IBTK: variants seen among roughly 807,000 people sequenced by gnomAD.
IBTK encodes the protein inhibitor of Bruton tyrosine kinase, also known as BTK-binding protein.
In IBTK, 83 loss-of-function variants were observed where a neutral mutation model predicts 154.9. That is an observed-to-expected ratio of 0.54 (90% CI 0.45 to 0.64). IBTK has a LOEUF of 0.64. IBTK is among the 30% of genes least tolerant of loss of function. The pLI is 0.00. For missense variants in IBTK, 1,332 were observed against 1,584.6 expected (o/e 0.84, Z 2.71); for synonymous variants, 515 against 536.1 (o/e 0.96, Z 0.54).
intron 25 of IBTK, among the ~76,000 whole-genome samples, chr6:82,186,031 A>G (rs1249655335): frequency 1.3e-5 from 2 of 152,092 alleles, no homozygotes; most frequent in African/African-American, 2.4e-5. Context: ...CATTATTATT[A>G]TATCTGTTAC....
At chr6:82,185,879 A>G (rs1231548079) in intron 25 of IBTK, among the ~76,000 whole-genome samples, 1 of 152,152 alleles carries the variant, frequency 6.6e-6, no homozygotes, top group Non-Finnish European at 1.5e-5. Context: ...TGTGCTTCAT[A>G]GTTACTGTGT....
intron 21 of IBTK, among the ~76,000 whole-genome samples, chr6:82,199,723 A>G (rs1582207287): frequency 6.6e-6 from 1 of 152,184 alleles, no homozygotes; most frequent in East Asian, 1.9e-4. Context: ...AGCCTTTAGA[A>G]TAAAACACAA....
intron 8 of IBTK, among the ~76,000 whole-genome samples, chr6:82,222,842 A>T (rs1024358541): frequency 1.3e-5 from 2 of 151,526 alleles, no homozygotes; most frequent in Non-Finnish European, 2.9e-5. Flanking sequence ...GACAGGAGGG[A>T]CGCTTGAACC....
chr6:82,173,262 A>G, intron 27 of IBTK, 105 bp downstream of exon 27: 1 of 733,620 alleles, frequency 1.4e-6, no homozygotes, highest in South Asian at 2.2e-5. Flanking sequence ...TCAGTCTCCC[A>G]GAGTGCTGGG....
At chr6:82,232,091 C>T (rs887539618) in intron 3 of IBTK, among the ~76,000 whole-genome samples, 1 of 149,772 alleles carries the variant, frequency 6.7e-6, no homozygotes, top group Non-Finnish European at 1.5e-5. Flanking sequence ...GACAAGGTCT[C>T]ATTATGTTGC....
intron 16 of IBTK, among the ~76,000 whole-genome samples, chr6:82,208,847 A>G (rs1769516554): frequency 6.6e-6 from 1 of 152,200 alleles, no homozygotes; most frequent in Admixed American, 6.5e-5. Context: ...TATATCCCAT[A>G]AGGGACTAAT....
In IBTK at chr6:82,196,804, C is replaced by G. The variant is rs564721658; in HGVS notation, c.3026-358G>C. ...GGGAAAATAATTAAAATCCAGACCT[C>G]TTTTCCCTTTCTCATCTGTCTCTTG... On this transcript the variant is annotated intron_variant, in intron 21 of 28. Transcript: ENST00000306270. 2.6e-5 allele frequency among the ~76,000 whole-genome samples: 4 copies of G among 152,306 alleles called. No individual in the cohort carries two copies. The East Asian group carries it at 7.7e-4, about 29-fold the overall frequency.
intron 2 of IBTK, among the ~76,000 whole-genome samples, chr6:82,237,205 A>G (rs952119849): frequency 6.6e-6 from 1 of 152,148 alleles, no homozygotes; most frequent in Non-Finnish European, 1.5e-5. Context: ...GGACCTTCTC[A>G]AACTCAGCAG....
chr6:82,219,210 C>T (rs1769982697), intron 9 of IBTK, among the ~76,000 whole-genome samples: 1 of 151,916 alleles, frequency 6.6e-6, no homozygotes, highest in African/African-American at 2.4e-5. Flanking sequence ...GTTTGCTGCA[C>T]AGAGCATCAC....
At chr6:82,187,872 C>T (rs1032659198) in intron 25 of IBTK, among the ~76,000 whole-genome samples, 9 of 152,036 alleles carry the variant, frequency 5.9e-5, no homozygotes, top group African/African-American at 9.7e-5. Context: ...TAGAGGATGG[C>T]GGGAGTGAAC....
At chr6:82,195,945 G>A (rs1014049165) in intron 22 of IBTK, among the ~76,000 whole-genome samples, 1 of 152,196 alleles carries the variant, frequency 6.6e-6, no homozygotes, top group Non-Finnish European at 1.5e-5. Context: ...GAAATCATTT[G>A]CCTTGACAAT....
At chr6:82,182,899 C>T (rs1019720256) in intron 25 of IBTK, among the ~76,000 whole-genome samples, 4 of 152,090 alleles carry the variant, frequency 2.6e-5, no homozygotes, top group African/African-American at 9.7e-5. Context: ...GAAAGTAGGT[C>T]CTCTTCAAGT....
chr6:82,233,453 T>C (rs117089502), intron 3 of IBTK, among the ~76,000 whole-genome samples: 2,507 of 152,318 alleles, frequency 0.016, 27 homozygotes, highest in Non-Finnish European at 0.024. Flanking sequence ...TATATATCAA[T>C]TACTTTACAG....
chr6:82,210,783 G>A (rs1769606115), intron 16 of IBTK, 31 bp downstream of exon 16: 1 of 921,372 alleles, frequency 1.1e-6, no homozygotes, highest in South Asian at 2.3e-5. Flanking sequence ...TATATGTGAA[G>A]TATCTACAAT....
chr6:82,178,957 C>T (rs1019942380), intron 26 of IBTK, among the ~76,000 whole-genome samples: 5 of 152,188 alleles, frequency 3.3e-5, no homozygotes, highest in African/African-American at 1.2e-4. Context: ...ACTATGTAGG[C>T]CTTGAAGGCC....
chr6:82,203,759 A>C (rs573690518), intron 17 of IBTK, among the ~76,000 whole-genome samples: 1 of 152,152 alleles, frequency 6.6e-6, no homozygotes, highest in Non-Finnish European at 1.5e-5. Context: ...ACAAGTGTAA[A>C]ATATCACTTA....
chr6:82,188,547 G>C (rs1768638016), intron 25 of IBTK, among the ~76,000 whole-genome samples: 1 of 152,224 alleles, frequency 6.6e-6, no homozygotes, highest in Non-Finnish European at 1.5e-5. Flanking sequence ...GTGTGTTTCT[G>C]TTGGGTATAT....
In IBTK at chr6:82,231,724, G is replaced by A. The variant is rs773049124; in HGVS notation, c.537C>T (p.Ile179=). ...VDLFSRSGIY[I]KQVVLCKFHS... ...GATTGTACTTCAAAAATACCTGCTT[G>A]ATATAAATCCCACTCCTGGAGAACA... is the stretch of plus-strand genomic sequence containing the variant. Residue 179 remains isoleucine, a synonymous_variant, in exon 4 of 29, where the codon ATC becomes ATT. Transcript: ENST00000306270. 2 of 1,597,726 alleles carry A rather than the reference G, an allele frequency of 1.3e-6. No homozygotes were observed. Among genetic ancestry groups the A allele is most frequent in the Admixed American group, 3.5e-5 (2 of 56,810 alleles).
intron 2 of IBTK, among the ~76,000 whole-genome samples, chr6:82,237,958 T>G (rs1186728438): frequency 2.0e-5 from 3 of 151,998 alleles, no homozygotes; most frequent in African/African-American, 7.3e-5. Flanking sequence ...ATTGTTAAAT[T>G]TAAGGCCAGA....
Sources: allele counts gnomAD v4.1 joint callset (sites outside exome capture counted in the v4.1 genomes callset), GRCh38; gene constraint gnomAD v4.1.1; transcripts MANE v1.5; gene names NCBI Gene and HGNC (gene_info 2026-07-23, HGNC 2026-07-21).